The following PPP5C variants were observed in gnomAD, a reference collection of about 807,000 sequenced individuals.
PPP5C encodes the protein protein phosphatase 5 catalytic subunit.
In PPP5C, 21 loss-of-function variants were observed where a neutral mutation model predicts 66.7. The ratio of observed to expected loss-of-function variants is 0.31; its 90% CI spans 0.22 to 0.45. The LOEUF (loss-of-function observed/expected upper bound fraction) is 0.45, where lower values mean the gene tolerates loss of function less well. Among genes scored for constraint, PPP5C ranks in the 20% least tolerant of loss-of-function variants. The pLI is 1.00. For missense variants in PPP5C, 464 were observed against 675.9 expected (o/e 0.69, Z 3.48); for synonymous variants, 246 against 257.4 (o/e 0.96, Z 0.43).
chr19:46,371,575 A>G lies in PPP5C; in HGVS notation c.364-4029A>G, dbSNP rs145888406. Among the ~76,000 whole-genome samples, 23 of 152,318 alleles carry G rather than the reference A, an allele frequency of 1.5e-4. No individual in the cohort carries two copies. In the South Asian group the frequency reaches 1.7e-3, roughly 11 times the overall value. ...GGCAGCTTTGTCCCAGAGTCAGGCC[A>G]TAAGCAGGGCAGGCGCAGCGGGTCC... On this transcript the variant is annotated intron_variant, in intron 2 of 12. Coordinates refer to ENST00000012443, the MANE Select transcript of PPP5C (RefSeq NM_006247.4).
In PPP5C at chr19:46,376,391, C is replaced by A; in HGVS notation, c.512-62C>A. 1 of 1,588,032 alleles carries A rather than the reference C, an allele frequency of 6.3e-7. No homozygotes were observed. The highest frequency in any genetic ancestry group is 8.6e-7 in the Non-Finnish European group (1 of 1,163,524). Reference sequence around the variant, plus strand: ...GTTTTCCCCATCCCTGGGAGCGAGACCCCCTTCTCCCTCATAGTGGCTGTG... The same window carrying A: ...GTTTTCCCCATCCCTGGGAGCGAGAACCCCTTCTCCCTCATAGTGGCTGTG... On this transcript the variant is annotated intron_variant, in intron 3 of 12. Transcript: ENST00000012443. The surrounding 1 kb of genome is among the most constrained non-coding windows in gnomAD (Gnocchi z 5.1).
chr19:46,390,328 G>A lies in PPP5C; in HGVS notation c.1482G>A (p.Leu494=). The A allele has an allele frequency of 1.3e-6, 2 of 1,581,908 alleles. No homozygotes were observed. Among genetic ancestry groups the A allele is most frequent in the Non-Finnish European group, 1.7e-6 (2 of 1,163,924 alleles). ...CCATGGCCTATGCCAACACGCTGCT[G>A]CAGCTAGGAATGATGTGAGGTGACG... ...VKPMAYANTL[L]QLGMM is the part of the protein sequence containing the mutation. The change falls in exon 13 of 13, where the codon CTG becomes CTA. Residue 494 remains leucine (L), a synonymous_variant. Transcript: ENST00000012443.
chr19:46,356,222 C>T (rs1972284226), intron 2 of PPP5C, among the ~76,000 whole-genome samples: 1 of 152,204 alleles, frequency 6.6e-6, no homozygotes, highest in Non-Finnish European at 1.5e-5. Context: ...GCCCATTTCC[C>T]CATGGGGGCT....
At chr19:46,358,051 G>C (rs1272796226) in intron 2 of PPP5C, among the ~76,000 whole-genome samples, 1 of 152,266 alleles carries the variant, frequency 6.6e-6, no homozygotes, top group Non-Finnish European at 1.5e-5. Context: ...AGCTACATAG[G>C]GGTGGCTAGC....
At chr19:46,350,230 G>A (rs950290017) in intron 1 of PPP5C, among the ~76,000 whole-genome samples, 7 of 152,210 alleles carry the variant, frequency 4.6e-5, no homozygotes, top group African/African-American at 1.7e-4. Flanking sequence ...CTGAATCTGA[G>A]AGATGTTCAG....
In PPP5C at chr19:46,390,151, C is replaced by T. The variant is rs759558113; in HGVS notation, c.1437+19C>T. The T allele has an allele frequency of 5.6e-6, 9 of 1,612,188 alleles. No individual in the cohort carries two copies. The highest frequency in any genetic ancestry group is 3.4e-6 in the Non-Finnish European group (4 of 1,178,478). Reference sequence around the variant, plus strand: ...AGCAGTGGTGAGTCACCCCTCAGGGCCCCTGCCCCTTCCATCCCGGCCTGG... The same window carrying T: ...AGCAGTGGTGAGTCACCCCTCAGGGTCCCTGCCCCTTCCATCCCGGCCTGG... On this transcript the variant is annotated intron_variant, in intron 12 of 12. Coordinates refer to ENST00000012443, the MANE Select transcript of PPP5C (RefSeq NM_006247.4).
intron 1 of PPP5C, among the ~76,000 whole-genome samples, chr19:46,352,110 C>T (rs1972196954): frequency 6.6e-6 from 1 of 152,170 alleles, no homozygotes; most frequent in Admixed American, 6.5e-5. Flanking sequence ...ATCTCTTCAA[C>T]CAACTGACTC....
Position 46,390,411 on chromosome 19 carries a change from T to G in PPP5C, c.*65T>G. 1 of 1,549,346 alleles carries G rather than the reference T, an allele frequency of 6.5e-7. No homozygotes were observed. ...ATCCCACCGGACCCAGGCCCTGGGC[T>G]AGGGGCAGAGCAGGCCCCGCCCCAG... On this transcript the variant is annotated 3_prime_UTR_variant, in exon 13 of 13. Transcript: ENST00000012443.
chr19:46,389,066 A>G (rs1033567099), intron 11 of PPP5C, among the ~76,000 whole-genome samples: 1 of 152,038 alleles, frequency 6.6e-6, no homozygotes, highest in East Asian at 1.9e-4. Context: ...GCTCACGCCT[A>G]TAATCCCAGC....
At chr19:46,390,006 C>T in intron 11 of PPP5C, 45 bp from the exon 12 acceptor site, 1 of 1,584,416 alleles carries the variant, frequency 6.3e-7, no homozygotes, top group Non-Finnish European at 8.7e-7. Context: ...CCACCAGCCC[C>T]ACCCAGCCCT....
chr19:46,360,678 T>C (rs1972368952), intron 2 of PPP5C, among the ~76,000 whole-genome samples: 1 of 152,124 alleles, frequency 6.6e-6, no homozygotes, highest in South Asian at 2.1e-4. Context: ...TTTTTTTGTA[T>C]TTTTTGTAGA....
chr19:46,376,475 A>G lies in PPP5C; in HGVS notation c.534A>G (p.Gly178=). The change falls in exon 4 of 13, where the codon GGA becomes GGG. Residue 178 remains glycine (G), a synonymous_variant. Coordinates refer to ENST00000012443, the MANE Select transcript of PPP5C (RefSeq NM_006247.4). The surrounding 1 kb of genome is among the most constrained non-coding windows in gnomAD (Gnocchi z 5.1). ...TAGCCATTGAGGATGAGTACAGCGG[A>G]CCCAAGCTTGAAGACGGCAAAGTGA... ...ESMTIEDEYS[G]PKLEDGKVTI... 6.2e-7 allele frequency: 1 copy of G among 1,613,722 alleles called. No homozygotes were observed. The highest frequency in any genetic ancestry group is 8.5e-7 in the Non-Finnish European group (1 of 1,179,824).
intron 1 of PPP5C, among the ~76,000 whole-genome samples, chr19:46,352,276 G>A (rs774543685): frequency 3.9e-5 from 6 of 152,172 alleles, no homozygotes; most frequent in Admixed American, 1.3e-4. Flanking sequence ...GTGCTGTTGA[G>A]AACATTAAAA....
At position 46,376,316 on chromosome 19, in the gene PPP5C, G is replaced by A; in HGVS notation, c.512-137G>A. On this transcript the variant is annotated intron_variant, in intron 3 of 12. Transcript: ENST00000012443. This position sits in a 1 kb window ranked among gnomAD's most constrained non-coding sequence, Gnocchi z 5.1. Reference sequence around the variant, plus strand: ...TCTGGGCCAGACCTGACCCAGGAGGGGACTCTTCACTCACTCTGTCCCGCT... The same window carrying A: ...TCTGGGCCAGACCTGACCCAGGAGGAGACTCTTCACTCACTCTGTCCCGCT... 1 of 1,139,288 alleles carries A rather than the reference G, an allele frequency of 8.8e-7. No individual in the cohort carries two copies. Among genetic ancestry groups the A allele is most frequent in the East Asian group, 2.5e-5 (1 of 40,786 alleles). The allele number at this position is 1,139,288 out of a possible 1,614,324, so 70.6% of individuals were successfully genotyped here.
intron 2 of PPP5C, among the ~76,000 whole-genome samples, chr19:46,366,501 G>A (rs985742571): frequency 3.3e-5 from 5 of 151,970 alleles, no homozygotes; most frequent in South Asian, 2.1e-4. Flanking sequence ...GCATGCCACC[G>A]TGCCTGGCTA....
chr19:46,383,686 G>T lies in PPP5C; in HGVS notation c.700-94G>T. 1 of 1,122,878 alleles carries T rather than the reference G, an allele frequency of 8.9e-7. No homozygotes were observed. 69.6% of individuals were successfully genotyped at this position (1,122,878 alleles called of 1,614,324 possible). ...TGTGTCTCTTGCATGATTCTTCTTG[G>T]TCTACTGTGAACTCTTACCCTTCCC... On this transcript the variant is annotated intron_variant, in intron 5 of 12. Transcript: ENST00000012443. This position sits in a 1 kb window ranked among gnomAD's most constrained non-coding sequence, Gnocchi z 5.0.
intron 2 of PPP5C, among the ~76,000 whole-genome samples, chr19:46,354,346 C>T (rs1972246930): frequency 1.3e-5 from 2 of 152,190 alleles, no homozygotes; most frequent in Admixed American, 6.5e-5. Flanking sequence ...TGATGGTTCA[C>T]CTGATGGTTA....
At chr19:46,382,720 C>T (rs11670522) in intron 4 of PPP5C, 432,690 of 882,472 alleles carry the variant, frequency 0.49, 107,091 homozygotes, top group South Asian at 0.71. Flanking sequence ...AAAACAAAGA[C>T]GTCCTCTTGT....
intron 2 of PPP5C, among the ~76,000 whole-genome samples, chr19:46,356,651 A>G (rs1366233536): frequency 5.3e-5 from 8 of 152,206 alleles, no homozygotes; most frequent in Non-Finnish European, 4.4e-5. Flanking sequence ...CCCCTAGTCC[A>G]TGCTTGTAAC....
Sources: allele counts gnomAD v4.1 joint callset (sites outside exome capture counted in the v4.1 genomes callset), GRCh38; gene constraint gnomAD v4.1.1; non-coding constraint Gnocchi (gnomAD v3.1); transcripts MANE v1.5; gene names NCBI Gene and HGNC (gene_info 2026-07-23, HGNC 2026-07-21).